Variants in HNRNPDL observed in about 807,000 individuals in gnomAD.
HNRNPDL encodes the protein heterogeneous nuclear ribonucleoprotein D-like.
Under a neutral mutation model 48.0 loss-of-function variants are expected in HNRNPDL, and 18 were observed. The observed-to-expected ratio is 0.38, with a 90% confidence interval of 0.26 to 0.56. The LOEUF (loss-of-function observed/expected upper bound fraction) is 0.56. Ranked by LOEUF, HNRNPDL falls within the 20% of genes least tolerant of loss-of-function variation. HNRNPDL has a pLI of 0.77. For synonymous variants in HNRNPDL, 306 were observed against 207.3 expected (o/e 1.48, Z -4.09); for missense variants, 553 against 540.7 (o/e 1.02, Z -0.23).
Position 82,429,629 on chromosome 4 carries a change from G to A in HNRNPDL, c.62C>T (p.Thr21Ile). ...PPPLFPSAPA[T>I]LASRSLSHWR... ...ATGGGAGAGGCTGCGGGAGGCTAAA[G>A]TAGCGGGAGCGGAGGGGAACAATGG... The change falls in exon 1 of 8, where the codon ACT becomes ATT. Residue 21 changes from threonine (T) to isoleucine (I), a missense_variant. Coordinates refer to ENST00000295470, the MANE Select transcript of HNRNPDL (RefSeq NM_031372.4). 8 of 1,377,100 alleles carry A rather than the reference G, an allele frequency of 5.8e-6. No individual in the cohort carries two copies. Among genetic ancestry groups the A allele is most frequent in the Non-Finnish European group, 5.6e-6 (6 of 1,067,532 alleles). The allele number at this position is 1,377,100 out of a possible 1,614,324, so 85.3% of individuals were successfully genotyped here. A position where few individuals can be genotyped will look rare whatever the true frequency, so the allele number is the denominator to read the frequency against.
At chr4:82,427,775 A>C (rs1195775289) in intron 3 of HNRNPDL, among the ~76,000 whole-genome samples, 1 of 152,218 alleles carries the variant, frequency 6.6e-6, no homozygotes, top group African/African-American at 2.4e-5. Flanking sequence ...TTTGTACCCA[A>C]AGATGCCACT....
At position 82,429,550 on chromosome 4, in the gene HNRNPDL, G is replaced by A. The variant is rs895995384; in HGVS notation, c.141C>T (p.Pro47=). The change falls in exon 1 of 8, where the codon CCC becomes CCT. Residue 47 remains proline (P), a synonymous_variant. Coordinates refer to ENST00000295470, the MANE Select transcript of HNRNPDL (RefSeq NM_031372.4). ...QLAPLLPSLA[P]SSARQGARRA... ...GGCGCGCCCCCTGCCGGGCGGAGCT[G>A]GGAGCGAGCGAAGGGAGGAGCGGGG... 7 of 1,457,418 alleles carry A rather than the reference G, an allele frequency of 4.8e-6. No individual in the cohort carries two copies. In the African/African-American group the frequency reaches 7.5e-5, roughly 16 times the overall value. 90.3% of individuals were successfully genotyped at this position (1,457,418 alleles called of 1,614,324 possible).
rs755754556 is a variant in HNRNPDL at position 82,427,321 on chromosome 4, T to C, written c.907-17A>G. 1.5e-5 allele frequency: 23 copies of C among 1,556,964 alleles called. No homozygotes were observed. The highest frequency in any genetic ancestry group is 2.3e-5 in the East Asian group (1 of 44,380). ...GATTTCACACTATAAACAAAAAACA[T>C]GAAAGTATAATTTTTACCGAAGTTC... is the stretch of plus-strand genomic sequence containing the variant. On this transcript the variant is annotated splice_polypyrimidine_tract_variant and intron_variant, in intron 4 of 7. Transcript: ENST00000295470.
rs1177767913 is a variant in HNRNPDL at position 82,423,761 on chromosome 4, T to A, written c.*1145A>T. On this transcript the variant is annotated 3_prime_UTR_variant, in exon 8 of 8. Coordinates refer to ENST00000295470, the MANE Select transcript of HNRNPDL (RefSeq NM_031372.4). ...GATTCTTTTCAATGCACCCAGAGGGTCCACTGTAATGACTCAGTCACATTT... is the reference window on the plus strand; with the variant it reads ...GATTCTTTTCAATGCACCCAGAGGGACCACTGTAATGACTCAGTCACATTT... 3 of 152,200 alleles carry A rather than the reference T, an allele frequency of 2.0e-5. No individual in the cohort carries two copies. The highest frequency in any genetic ancestry group is 7.2e-5 in the African/African-American group (3 of 41,446). The allele number at this position is 152,200 out of a possible 1,614,324, so 9.4% of individuals were successfully genotyped here.
intron 5 of HNRNPDL, 38 bp from the exon 6 acceptor site, chr4:82,426,671 T>C (rs766844667): frequency 6.4e-7 from 1 of 1,559,348 alleles, no homozygotes; most frequent in Admixed American, 1.7e-5. Flanking sequence ...AAACAACTTC[T>C]GACCCCCAAT....
intron 1 of HNRNPDL, 150 bp from the exon 2 acceptor site, chr4:82,428,596 A>T: frequency 1.5e-6 from 1 of 679,700 alleles, no homozygotes; most frequent in South Asian, 2.1e-5. Flanking sequence ...GTCACACAAA[A>T]ATCCCAATAT....
chr4:82,426,651 G>C lies in HNRNPDL; in HGVS notation c.1022-18C>G, dbSNP rs1413090338. ...GCCCTGACCTGAAACAATGCACAAT[G>C]ATTGTTAGGAAACAACTTCTGACCC... On this transcript the variant is annotated intron_variant, in intron 5 of 7. Coordinates refer to ENST00000295470, the MANE Select transcript of HNRNPDL (RefSeq NM_031372.4). The C allele has an allele frequency of 6.2e-7, 1 of 1,608,556 alleles. No individual in the cohort carries two copies. Among genetic ancestry groups the C allele is most frequent in the Admixed American group, 1.7e-5 (1 of 59,966 alleles).
In HNRNPDL at chr4:82,427,198, C is replaced by G. The variant is rs1578083881; in HGVS notation, c.1013G>C (p.Arg338Pro). The G allele has an allele frequency of 6.2e-7, 1 of 1,608,990 alleles. No individual in the cohort carries two copies. The highest frequency in any genetic ancestry group is 8.5e-7 in the Non-Finnish European group (1 of 1,175,766). The change falls in exon 5 of 8, where the codon CGT becomes CCT. Residue 338 changes from arginine to proline, a missense_variant. By Grantham distance (103) the Arg-to-Pro change is moderately radical (BLOSUM62 -2). Around this residue, in one of 4 missense-constraint regions of HNRNPDL, gnomAD observed 174 missense variants for 204.6 expected, o/e 0.85. Coordinates refer to ENST00000295470, the MANE Select transcript of HNRNPDL (RefSeq NM_031372.4). ...AAGGRGGTRG[R>P]GRGQGQNWNQ... ...CAAGAATTAAGTCTCACCTCGGCCA[C>G]GACCCCTCGTACCACCTCGTCCACC...
chr4:82,424,443 G>A lies in HNRNPDL; in HGVS notation c.*463C>T, dbSNP rs140423053. 5.2e-4 allele frequency: 79 copies of A among 152,732 alleles called. No individual in the cohort carries two copies. The highest frequency in any genetic ancestry group is 1.7e-3 in the African/African-American group (69 of 41,576). 9.5% of individuals were successfully genotyped at this position (152,732 alleles called of 1,614,324 possible). A position where few individuals can be genotyped will look rare whatever the true frequency, so the allele number is the denominator to read the frequency against. On this transcript the variant is annotated 3_prime_UTR_variant, in exon 8 of 8. Coordinates refer to ENST00000295470, the MANE Select transcript of HNRNPDL (RefSeq NM_031372.4). ...GAAATCTCAGTTACAGGGAGAAGAT[G>A]AAGCCTTAAGAGCATAAAATACACC... is the stretch of plus-strand genomic sequence containing the variant.
At position 82,426,492 on chromosome 4, in the gene HNRNPDL, C is replaced by A; in HGVS notation, c.1163G>T (p.Gly388Val). The change falls in exon 6 of 8, where the codon GGA (glycine) becomes GTA (valine). Residue 388 changes from glycine (G) to valine (V), a missense_variant. By Grantham distance (109) the Gly-to-Val change is moderately radical (BLOSUM62 -3). Transcript: ENST00000295470. ...DYTGYNYGNY[G>V]YGQGYADYSG... ...GTAGTCTGCATATCCCTGTCCATAT[C>A]CATAGTTCCCATAGTTATACCCAGT... The A allele has an allele frequency of 6.2e-7, 1 of 1,612,484 alleles. No homozygotes were observed. The highest frequency in any genetic ancestry group is 1.3e-5 in the African/African-American group (1 of 75,016).
rs1420298484 is a variant in HNRNPDL at position 82,422,639 on chromosome 4, A to C, written c.*2267T>G. On this transcript the variant is annotated 3_prime_UTR_variant, in exon 8 of 8. Transcript: ENST00000295470. Reference sequence around the variant, plus strand: ...AGATTACAGATTAACATGTTAACCAAAGAAATTACTAAGGTGTTTTGTTAG... The same window carrying C: ...AGATTACAGATTAACATGTTAACCACAGAAATTACTAAGGTGTTTTGTTAG... The C allele has an allele frequency of 1.3e-5, 2 of 152,264 alleles. No individual in the cohort carries two copies. Among genetic ancestry groups the C allele is most frequent in the African/African-American group, 2.4e-5 (1 of 41,470 alleles). 9.4% of individuals were successfully genotyped at this position (152,264 alleles called of 1,614,324 possible). A position where few individuals can be genotyped will look rare whatever the true frequency, so the allele number is the denominator to read the frequency against.
chr4:82,429,033 T>A (rs1399221147), intron 1 of HNRNPDL, among the ~76,000 whole-genome samples: 1 of 149,944 alleles, frequency 6.7e-6, no homozygotes, highest in Admixed American at 6.6e-5. Context: ...GCCGCCCTCC[T>A]CCTCCAACCC....
chr4:82,427,199 G>A lies in HNRNPDL; in HGVS notation c.1012C>T (p.Arg338Cys), dbSNP rs1553900864. 6.2e-6 allele frequency: 10 copies of A among 1,609,500 alleles called. No individual in the cohort carries two copies. Among genetic ancestry groups the A allele is most frequent in the Non-Finnish European group, 8.5e-6 (10 of 1,176,148 alleles). Residue 338 changes from arginine (R) to cysteine (C), a missense_variant, in exon 5 of 8, where the codon CGT becomes TGT. This residue lies in a region of HNRNPDL where 174 missense variants were observed against 204.6 expected (regional missense o/e 0.85). Transcript: ENST00000295470. ...AAGGRGGTRG[R>C]GRGQGQNWNQ... ...AAGAATTAAGTCTCACCTCGGCCAC[G>A]ACCCCTCGTACCACCTCGTCCACCA...
At chr4:82,425,855 G>C (rs1721384960) in intron 7 of HNRNPDL, 182 bp downstream of exon 7, 5 of 539,574 alleles carry the variant, frequency 9.3e-6, no homozygotes, top group Non-Finnish European at 1.6e-5. Flanking sequence ...AAGAAAGTGA[G>C]ATAAGACTTT....
Position 82,429,289 on chromosome 4 carries a change from C to T in HNRNPDL, c.402G>A (p.Glu134=). ...NEYSNIEEFA[E]GSKINASKNQ... is the part of the protein sequence containing the mutation. ...TCTTGCTCGCGTTGATCTTGGATCC[C>T]TCTGCGAATTCCTCTATATTGCTGT... The change falls in exon 1 of 8, where the codon GAG becomes GAA. Residue 134 remains glutamate (E), a synonymous_variant. Coordinates refer to ENST00000295470, the MANE Select transcript of HNRNPDL (RefSeq NM_031372.4). 1 of 1,613,836 alleles carries T rather than the reference C, an allele frequency of 6.2e-7. No homozygotes were observed. Among genetic ancestry groups the T allele is most frequent in the South Asian group, 1.1e-5 (1 of 91,084 alleles).
rs1480719617 is a variant in HNRNPDL, at chr4:82,429,500, T to G, written c.191A>C (p.Gln64Pro). Residue 64 changes from glutamine (Q) to proline (P), a missense_variant, in exon 1 of 8, where the codon CAG becomes CCG. Gln to Pro is a moderately conservative substitution (Grantham distance 76, BLOSUM62 -1). Coordinates refer to ENST00000295470, the MANE Select transcript of HNRNPDL (RefSeq NM_031372.4). ...ARRAQRHVTA[Q>P]QPSRLAGGAA... ...CCCGCCCGCCAATCGGGAGGGCTGC[T>G]GGGCGGTGACGTGGCGCTGGGCCCG... The G allele has an allele frequency of 1.9e-6, 3 of 1,547,430 alleles. No homozygotes were observed. The African/African-American group carries it at 4.2e-5, about 22-fold the overall frequency.
Position 82,429,463 on chromosome 4 carries a change from C to A in HNRNPDL, c.228G>T (p.Lys76Asn). The change falls in exon 1 of 8, where the codon AAG becomes AAT. Residue 76 changes from lysine to asparagine, a missense_variant. By Grantham distance (94) the Lys-to-Asn change is moderately conservative. Transcript: ENST00000295470. The stretch of plus-strand genomic sequence containing the variant: ...GATCCGGGCGCCGCCTGCGCCCTCC[C>A]TTTATAGCCGCCCCGCCCGCCAATC... ...PSRLAGGAAI[K>N]GGRRRRPDLF... The A allele has an allele frequency of 6.3e-7, 1 of 1,594,534 alleles. No homozygotes were observed. Among genetic ancestry groups the A allele is most frequent in the Non-Finnish European group, 8.5e-7 (1 of 1,170,436 alleles).
intron 4 of HNRNPDL, 56 bp downstream of exon 4, chr4:82,427,377 T>G: frequency 6.5e-7 from 1 of 1,531,932 alleles, no homozygotes; most frequent in Non-Finnish European, 8.8e-7. Context: ...TTTCTCCACA[T>G]CAAGAAATTA....
rs780496008 is a variant in HNRNPDL at position 82,429,450 on chromosome 4, G to A, written c.241C>T (p.Arg81Trp). ...TGGCGGCGGAAGAGATCCGGGCGCC[G>A]CCTGCGCCCTCCCTTTATAGCCGCC... ...GGAAIKGGRRRRPDLFRRHFK... is the reference protein window; with the variant it reads ...GGAAIKGGRRWRPDLFRRHFK... The change falls in exon 1 of 8, where the codon CGG becomes TGG. Residue 81 changes from arginine (R) to tryptophan (W), a missense_variant. Arg to Trp is a moderately radical substitution (Grantham distance 101). Coordinates refer to ENST00000295470, the MANE Select transcript of HNRNPDL (RefSeq NM_031372.4). 1.2e-6 allele frequency: 2 copies of A among 1,607,280 alleles called. No individual in the cohort carries two copies. Among genetic ancestry groups the A allele is most frequent in the East Asian group, 4.5e-5 (2 of 44,634 alleles).
Sources: gnomAD v4.1 joint callset for allele counts (sites outside exome capture counted in the v4.1 genomes callset) on GRCh38, gnomAD v4.1.1 for gene constraint, gnomAD v4.1.1 regional missense constraint, MANE v1.5 for transcripts, NCBI Gene and HGNC (gene_info 2026-07-23, HGNC 2026-07-21) for gene names.